Variants in ANKS1B observed in about 807,000 individuals in gnomAD.
ANKS1B encodes the protein ankyrin repeat and sterile alpha motif domain-containing protein 1B.
In ANKS1B, 36 loss-of-function variants were observed where a neutral mutation model predicts 148.3. That is an observed-to-expected ratio of 0.24 (90% CI 0.19 to 0.32). ANKS1B has a LOEUF of 0.32. Ranked by LOEUF, ANKS1B falls within the 10% of genes least tolerant of loss-of-function variation. The probability of loss-of-function intolerance (pLI) is 1.00; values close to 1 mark genes in which losing one functional copy is unlikely to be tolerated. For missense variants in ANKS1B, 1,157 were observed against 1,542.6 expected (o/e 0.75, Z 4.19); for synonymous variants, 542 against 560.8 (o/e 0.97, Z 0.47).
At chr12:99,000,692 A>T (rs1236490638) in intron 17 of ANKS1B, among the ~76,000 whole-genome samples, 1 of 152,212 alleles carries the variant, frequency 6.6e-6, no homozygotes, top group African/African-American at 2.4e-5. Flanking sequence ...TGTACAGCAG[A>T]TCCCTAGAAT....
intron 9 of ANKS1B, among the ~76,000 whole-genome samples, chr12:99,617,171 G>A (rs1284498099): frequency 6.6e-6 from 1 of 152,114 alleles, no homozygotes; most frequent in Non-Finnish European, 1.5e-5. Context: ...TGGAGAAATA[G>A]GTACACTTTT....
chr12:99,392,440 G>C (rs1272841111), intron 12 of ANKS1B, among the ~76,000 whole-genome samples: 3 of 152,152 alleles, frequency 2.0e-5, no homozygotes, highest in Non-Finnish European at 4.4e-5. Context: ...CTCCCACTTG[G>C]AAAGAAGCAC....
rs2098078062 is a variant in ANKS1B at position 98,751,047 on chromosome 12, C to A, written c.3747+308G>T. 1.3e-5 allele frequency among the ~76,000 whole-genome samples: 2 copies of A among 152,208 alleles called. No individual in the cohort carries two copies. Among genetic ancestry groups the A allele is most frequent in the African/African-American group, 4.8e-5 (2 of 41,450 alleles). ...AGCCCCAGGGAACACTGCTCCCAAG[C>A]TTTCCTGAATCTTTAGGTAAGATTC... On this transcript the variant is annotated intron_variant, in intron 26 of 26. Transcript: ENST00000683438. This position sits in a 1 kb window ranked among gnomAD's most constrained non-coding sequence, Gnocchi z 4.3.
At chr12:99,168,568 C>T (rs1483716560) in intron 14 of ANKS1B, among the ~76,000 whole-genome samples, 5 of 149,558 alleles carry the variant, frequency 3.3e-5, no homozygotes, top group Admixed American at 3.3e-4. Flanking sequence ...AAAGAAAATA[C>T]AGAATGATGA....
At chr12:98,914,728 T>C (rs1385865742) in intron 17 of ANKS1B, among the ~76,000 whole-genome samples, 2 of 152,000 alleles carry the variant, frequency 1.3e-5, no homozygotes, top group Non-Finnish European at 2.9e-5. Flanking sequence ...CCCCCACCCT[T>C]CCCTTCCCCA....
chr12:99,704,573 C>T (rs200230446), intron 8 of ANKS1B, among the ~76,000 whole-genome samples: 3 of 98,984 alleles, frequency 3.0e-5, no homozygotes, highest in South Asian at 4.8e-4. Context: ...CATACATATA[C>T]ACACACACAC....
intron 14 of ANKS1B, among the ~76,000 whole-genome samples, chr12:99,185,927 G>A (rs2079779644): frequency 6.6e-6 from 1 of 152,106 alleles, no homozygotes; most frequent in Non-Finnish European, 1.5e-5. Context: ...CTGAAGCCAG[G>A]GAGCCAAGTG....
chr12:99,964,241 C>A (rs2095456581), intron 1 of ANKS1B, among the ~76,000 whole-genome samples: 1 of 152,186 alleles, frequency 6.6e-6, no homozygotes, highest in Non-Finnish European at 1.5e-5. Context: ...AGTGCTCATG[C>A]TTTGGTCATA....
At chr12:99,424,647 A>T (rs968173618) in intron 11 of ANKS1B, among the ~76,000 whole-genome samples, 4 of 147,890 alleles carry the variant, frequency 2.7e-5, no homozygotes, top group Non-Finnish European at 4.4e-5. Context: ...ACACACACAC[A>T]TACACACACA....
chr12:99,717,535 G>T (rs113418777), intron 8 of ANKS1B, among the ~76,000 whole-genome samples: 61,233 of 151,906 alleles, frequency 0.4, 12,760 homozygotes, highest in East Asian at 0.46. Context: ...CGTCCCATCT[G>T]TGTGGGACCC....
At chr12:99,470,601 AG>A (rs2096224741) in intron 10 of ANKS1B, among the ~76,000 whole-genome samples, 1 of 152,166 alleles carries the variant, frequency 6.6e-6, no homozygotes, top group African/African-American at 2.4e-5. Flanking sequence ...ATAGTTTAAT[AG>A]ATTACTTCTT....
At chr12:98,990,866 C>T (rs2099926210) in intron 17 of ANKS1B, among the ~76,000 whole-genome samples, 1 of 151,928 alleles carries the variant, frequency 6.6e-6, no homozygotes. Context: ...ATGGTGTGCA[C>T]CTGCTTGCGC....
intron 9 of ANKS1B, among the ~76,000 whole-genome samples, chr12:99,637,724 C>T (rs1396974134): frequency 2.6e-5 from 4 of 151,684 alleles, no homozygotes; most frequent in Non-Finnish European, 5.9e-5. Context: ...CCTTGCTCCT[C>T]AGCTTGCAGC....
At chr12:99,439,876 G>A (rs1038893616) in intron 11 of ANKS1B, among the ~76,000 whole-genome samples, 1 of 151,492 alleles carries the variant, frequency 6.6e-6, no homozygotes, top group African/African-American at 2.4e-5. Flanking sequence ...GTAAACAATG[G>A]GAAACAACGC....
At chr12:99,741,567 A>C (rs1014890539) in intron 8 of ANKS1B, among the ~76,000 whole-genome samples, 4 of 152,072 alleles carry the variant, frequency 2.6e-5, no homozygotes, top group African/African-American at 9.7e-5. Context: ...ATGCGGCCAT[A>C]AAAAAGGATG....
At position 98,745,596 on chromosome 12, in the gene ANKS1B, G is replaced by A; in HGVS notation, c.*143C>T. 5.6e-6 allele frequency: 8 copies of A among 1,419,526 alleles called. No individual in the cohort carries two copies. Among genetic ancestry groups the A allele is most frequent in the Non-Finnish European group, 7.4e-6 (8 of 1,083,848 alleles). 87.9% of individuals were successfully genotyped at this position (1,419,526 alleles called of 1,614,324 possible). Reference sequence around the variant, plus strand: ...TGCAGAAAGAACTTCCCCAGGAATGGCCAGTGGCCTTTCGCCCGTAACAAG... The same window carrying A: ...TGCAGAAAGAACTTCCCCAGGAATGACCAGTGGCCTTTCGCCCGTAACAAG... On this transcript the variant is annotated 3_prime_UTR_variant, in exon 27 of 27. Coordinates refer to ENST00000683438, the MANE Select transcript of ANKS1B (RefSeq NM_001352186.2).
chr12:99,840,335 T>A lies in ANKS1B; in HGVS notation c.135-14946A>T, dbSNP rs116993718. Among the ~76,000 whole-genome samples the A allele has an allele frequency of 3.7e-3, 567 of 152,170 alleles. 6 individuals carry two copies. The highest frequency in any genetic ancestry group is 3.5e-3 in the Non-Finnish European group (236 of 67,986). On this transcript the variant is annotated intron_variant, in intron 1 of 26. Transcript: ENST00000683438. ...AGAGCACAGAAAAGTGGGTCAGAGA[T>A]GTGTGGCTGGATCATATAGAGCCTT...
At chr12:99,432,366 A>G (rs1046381725) in intron 11 of ANKS1B, among the ~76,000 whole-genome samples, 4 of 152,090 alleles carry the variant, frequency 2.6e-5, no homozygotes, top group African/African-American at 7.2e-5. Context: ...CCTTTCCCCA[A>G]CTATTCTTAA....
intron 10 of ANKS1B, among the ~76,000 whole-genome samples, chr12:99,476,843 G>A (rs368506509): frequency 2.0e-4 from 31 of 152,202 alleles, no homozygotes; most frequent in African/African-American, 7.2e-4. Flanking sequence ...TGCAATTAAC[G>A]TGTCAATTGG....
Sources: gnomAD v4.1 joint callset for allele counts (sites outside exome capture counted in the v4.1 genomes callset) on GRCh38, gnomAD v4.1.1 for gene constraint, Gnocchi (gnomAD v3.1) non-coding constraint, MANE v1.5 for transcripts, NCBI Gene and HGNC (gene_info 2026-07-23, HGNC 2026-07-21) for gene names.